C13orf46: variants seen among roughly 807,000 people sequenced by gnomAD.
C13orf46 encodes the protein chromosome 13 open reading frame 46.
At chr13:113,946,929 C>CGCCGA in the C13orf46 span, among the ~76,000 whole-genome samples, 1 of 152,386 alleles carries the variant, frequency 6.6e-6, no homozygotes, top group Non-Finnish European at 1.5e-5. Flanking sequence ...GCCTGGCACC[C>CGCCGA]TTGGGGCCGA....
At chr13:113,934,249 T>C in the C13orf46 span, among the ~76,000 whole-genome samples, 17 of 152,336 alleles carry the variant, frequency 1.1e-4, no homozygotes, top group Middle Eastern at 6.8e-3. Flanking sequence ...TGACAGACAA[T>C]GGGGCTGTTC....
rs2052688774 is a variant in C13orf46 at position 113,970,154 on chromosome 13, T to A, written c.242+17A>T. The A allele has an allele frequency of 6.6e-6, 1 of 152,218 alleles. No homozygotes were observed. The highest frequency in any genetic ancestry group is 2.4e-5 in the African/African-American group (1 of 41,378). The allele number at this position is 152,218 out of a possible 1,614,324, so 9.4% of individuals were successfully genotyped here. On this transcript the variant is annotated intron_variant, in intron 2 of 6. Coordinates refer to ENST00000636427, the MANE Select transcript of C13orf46 (RefSeq NM_001365455.2). Reference sequence around the variant, plus strand: ...AGCTCCACCTTCACAAAGGCCAGCGTCGGACAGGCTGCTTACCAGCTGGCA... The same window carrying A: ...AGCTCCACCTTCACAAAGGCCAGCGACGGACAGGCTGCTTACCAGCTGGCA...
At chr13:113,927,134 G>A in the C13orf46 span, 6 of 161,686 alleles carry the variant, frequency 3.7e-5, no homozygotes, top group Non-Finnish European at 8.1e-5. Context: ...AGTTCTGTCC[G>A]ACAAAATACA....
intron 2 of C13orf46, among the ~76,000 whole-genome samples, chr13:113,969,603 CTT>C (rs2052682883): frequency 6.6e-6 from 1 of 152,244 alleles, no homozygotes; most frequent in Admixed American, 6.5e-5. Context: ...GGTAAATCGA[CTT>C]TGTTAGATCT....
downstream of C13orf46, among the ~76,000 whole-genome samples, chr13:113,950,193 G>T (rs2138962243): frequency 8.4e-6 from 1 of 119,684 alleles, no homozygotes; most frequent in East Asian, 2.5e-4. Flanking sequence ...CTGTAGAGTG[G>T]GGTCCTCACC....
chr13:113,945,591 G>GAAAGA, the C13orf46 span, among the ~76,000 whole-genome samples: 3 of 114,350 alleles, frequency 2.6e-5, no homozygotes, highest in South Asian at 2.8e-4. Context: ...GAGAGAGAGA[G>GAAAGA]AGAAAGAAAG....
chr13:113,949,686 G>A (rs910482785), downstream of C13orf46, among the ~76,000 whole-genome samples: 48 of 152,346 alleles, frequency 3.2e-4, no homozygotes, highest in Non-Finnish European at 5.9e-4. Context: ...CCGACAAGCT[G>A]TGCTCCCAGC....
intron 1 of C13orf46, among the ~76,000 whole-genome samples, chr13:113,970,872 C>T (rs2052697817): frequency 6.6e-6 from 1 of 152,364 alleles, no homozygotes; most frequent in East Asian, 1.9e-4. Flanking sequence ...GTGCTCCCGG[C>T]AGGAACCCAA....
At chr13:113,963,389 G>A (rs2052605636) in intron 6 of C13orf46, among the ~76,000 whole-genome samples, 1 of 81,114 alleles carries the variant, frequency 1.2e-5, no homozygotes, top group Admixed American at 1.4e-4. Flanking sequence ...CCTCAGCCTC[G>A]CCCCTGTCCT....
chr13:113,965,900 TGATGGC>T (rs1398503264), intron 5 of C13orf46, among the ~76,000 whole-genome samples: 2 of 145,826 alleles, frequency 1.4e-5, no homozygotes, highest in African/African-American at 2.6e-5. Flanking sequence ...GTGATGGTGA[TGATGGC>T]GATGGTGATG....
intron 1 of C13orf46, among the ~76,000 whole-genome samples, chr13:113,972,323 A>T (rs1303408798): frequency 6.6e-6 from 1 of 152,138 alleles, no homozygotes; most frequent in Non-Finnish European, 1.5e-5. Context: ...ACGCCCCCCA[A>T]ATAGCACATA....
At chr13:113,945,542 A>AAAG in the C13orf46 span, among the ~76,000 whole-genome samples, 2 of 59,812 alleles carry the variant, frequency 3.3e-5, no homozygotes, top group African/African-American at 1.4e-4. Flanking sequence ...AGAATCTGAG[A>AAAG]AAGAAAGAAA....
chr13:113,928,375 G>A, the C13orf46 span: 3 of 152,482 alleles, frequency 2.0e-5, no homozygotes, highest in African/African-American at 4.8e-5. Context: ...CCGGGCAGGT[G>A]GGGAGGCTCA....
chr13:113,950,918 G>A (rs1414199559), downstream of C13orf46, among the ~76,000 whole-genome samples: 34 of 152,178 alleles, frequency 2.2e-4, no homozygotes, highest in Admixed American at 1.1e-3. Flanking sequence ...CCGGGGCCCC[G>A]GGATGTCCGT....
the C13orf46 span, chr13:113,927,680 AAGTT>A: frequency 3.5e-5 from 14 of 398,434 alleles, no homozygotes; most frequent in Middle Eastern, 6.2e-4. Flanking sequence ...AACTGTGACT[AAGTT>A]AGAAGCTTTG....
chr13:113,928,457 A>G, the C13orf46 span: 4,755 of 152,460 alleles, frequency 0.031, 246 homozygotes, highest in African/African-American at 0.11. Context: ...TCGCAGGTGA[A>G]GAAACGCCAG....
the C13orf46 span, among the ~76,000 whole-genome samples, chr13:113,945,658 AAGAAAGAAAG>A: frequency 5.0e-5 from 7 of 139,078 alleles, no homozygotes; most frequent in African/African-American, 1.8e-4. Flanking sequence ...GAAAGAAAGA[AAGAAAGAAAG>A]AAAGGAAAGA....
intron 1 of C13orf46, among the ~76,000 whole-genome samples, chr13:113,971,509 G>A (rs1180987882): frequency 6.6e-6 from 1 of 152,250 alleles, no homozygotes; most frequent in African/African-American, 2.4e-5. Context: ...CAGGGCCTCA[G>A]TGGGTCTGGA....
the C13orf46 span, among the ~76,000 whole-genome samples, chr13:113,943,870 G>A: frequency 1.3e-5 from 2 of 152,156 alleles, no homozygotes; most frequent in Non-Finnish European, 2.9e-5. Flanking sequence ...CTCAGCAAAT[G>A]CCCGCAGTCC....
Sources: allele counts gnomAD v4.1 joint callset (sites outside exome capture counted in the v4.1 genomes callset), GRCh38; gene constraint gnomAD v4.1.1; transcripts MANE v1.5; gene names NCBI Gene and HGNC (gene_info 2026-07-23, HGNC 2026-07-21).